SCLY: variants seen among roughly 807,000 people sequenced by gnomAD.
SCLY encodes selenocysteine lyase.
Under a neutral mutation model 50.1 loss-of-function variants are expected in SCLY, and 38 were observed. That is an observed-to-expected ratio of 0.76 (90% CI 0.59 to 0.99). The LOEUF is 0.99. SCLY is among the 50% of genes least tolerant of loss of function. The probability of loss-of-function intolerance (pLI) is 0.00; values close to 1 mark genes in which losing one functional copy is unlikely to be tolerated. For synonymous variants in SCLY, 243 were observed against 249.4 expected (o/e 0.97, Z 0.24); for missense variants, 600 against 620.0 (o/e 0.97, Z 0.34).
At chr2:238,068,339 A>G (rs2065094840) in intron 3 of SCLY, 174 bp downstream of exon 3, 6 of 492,254 alleles carry the variant, frequency 1.2e-5, no homozygotes, top group East Asian at 3.6e-5. Context: ...GGTTGAGCCC[A>G]GGAGTTTGCG....
chr2:238,061,344 G>A (rs1243304102), intron 1 of SCLY: 1 of 702,470 alleles, frequency 1.4e-6, no homozygotes, highest in Admixed American at 2.0e-5. Context: ...AAGGGCCCAC[G>A]GAGAGGTGAC....
intron 2 of SCLY, chr2:238,064,730 T>G (rs2106435208): frequency 3.9e-6 from 1 of 257,992 alleles, no homozygotes; most frequent in East Asian, 9.3e-5. Context: ...GAGAAAGGTG[T>G]CTACTGAGAG....
intron 7 of SCLY, among the ~76,000 whole-genome samples, chr2:238,087,524 A>G (rs769087783): frequency 6.6e-6 from 1 of 152,204 alleles, no homozygotes; most frequent in South Asian, 2.1e-4. Context: ...AAACTCCCCA[A>G]AGAGAAGTCT....
At chr2:238,079,419 A>G (rs2065211796) in intron 4 of SCLY, 2 of 152,134 alleles carry the variant, frequency 1.3e-5, no homozygotes, top group South Asian at 4.1e-4. Context: ...GTATATGTTT[A>G]TAGATTTTGC....
At chr2:238,092,443 A>C (rs2065373927) in intron 8 of SCLY, 1 of 152,264 alleles carries the variant, frequency 6.6e-6, no homozygotes, top group African/African-American at 2.4e-5. Flanking sequence ...GTGATGAAGT[A>C]GTGGTGCCGT....
In SCLY at chr2:238,068,080, A is replaced by G. The variant is rs138801169; in HGVS notation, c.218A>G (p.Asp73Gly). The change falls in exon 3 of 12, where the codon GAT becomes GGT. Residue 73 changes from aspartate (D) to glycine (G), a missense_variant. Asp to Gly is a moderately conservative substitution (Grantham distance 94). Coordinates refer to ENST00000254663, the MANE Select transcript of SCLY (RefSeq NM_016510.7). ...GTCCCTCAAGGAAGAAAGGCCAAGG[A>G]TATTATAAATGCAGCTCGGGAAAGC... ...SPYSAGRKAK[D>G]IINAARESLA... 2.7e-5 allele frequency: 43 copies of G among 1,612,326 alleles called. No homozygotes were observed. In the African/African-American group the frequency reaches 5.5e-4, roughly 21 times the overall value.
Position 238,061,004 on chromosome 2 carries a change from C to G in SCLY, c.-51C>G, listed in dbSNP as rs1040948345. On this transcript the variant is annotated 5_prime_UTR_variant, in exon 1 of 12. Coordinates refer to ENST00000254663, the MANE Select transcript of SCLY (RefSeq NM_016510.7). The stretch of plus-strand genomic sequence containing the variant: ...CGCCTCCTCCCCGGCGCTCTGGGCC[C>G]GTAGCGCTCCGCGGGAAGGAGGCTG... 20 of 1,305,198 alleles carry G rather than the reference C, an allele frequency of 1.5e-5. No homozygotes were observed. The highest frequency in any genetic ancestry group is 1.9e-5 in the Non-Finnish European group (19 of 1,015,662). 80.9% of individuals were successfully genotyped at this position (1,305,198 alleles called of 1,614,324 possible).
In SCLY at chr2:238,063,007, A is replaced by G. The variant is rs566002782; in HGVS notation, c.90-1350A>G. Among the ~76,000 whole-genome samples, 29 of 152,322 alleles carry G rather than the reference A, an allele frequency of 1.9e-4. No individual in the cohort carries two copies. The South Asian group carries it at 6.0e-3, about 32-fold the overall frequency. ...TCTGTGGCATTTATTTTGTCATCTT[A>G]TAAAAATCAGGCCCCTGTTGTGTGG... On this transcript the variant is annotated intron_variant, in intron 1 of 11. Transcript: ENST00000254663.
intron 7 of SCLY, among the ~76,000 whole-genome samples, chr2:238,086,056 C>G (rs1356582031): frequency 6.6e-6 from 1 of 152,228 alleles, no homozygotes; most frequent in Admixed American, 6.5e-5. Context: ...ATTTGGATGA[C>G]TGAATTTCTC....
At chr2:238,091,521 A>AACCACC in intron 8 of SCLY, 3 of 437,202 alleles carry the variant, frequency 6.9e-6, no homozygotes, top group East Asian at 4.1e-5. Flanking sequence ...CTGTTACAGC[A>AACCACC]GAGGTGAAGT....
chr2:238,091,561 G>GCTT, intron 8 of SCLY: 1 of 302,722 alleles, frequency 3.3e-6, no homozygotes, highest in Non-Finnish European at 6.3e-6. Flanking sequence ...ATTCCCAAAG[G>GCTT]CGTCGGCAGC....
chr2:238,069,363 A>C lies in SCLY; in HGVS notation c.370A>C (p.Thr124Pro), dbSNP rs2065105306. ...FHANQTSKGH[T>P]GGHHSPVKGA... ...CGCAAACCAGACCTCAAAGGGACAC[A>C]CAGGTGGGCACCACAGCCCAGTGAA... Residue 124 changes from threonine to proline, a missense_variant, in exon 4 of 12, where the codon ACA (threonine) becomes CCA (proline). Thr to Pro is a conservative substitution (Grantham distance 38). Transcript: ENST00000254663. The surrounding 1 kb of genome is among the most constrained non-coding windows in gnomAD (Gnocchi z 5.0). 3.7e-6 allele frequency: 6 copies of C among 1,614,176 alleles called. No homozygotes were observed. The highest frequency in any genetic ancestry group is 5.1e-6 in the Non-Finnish European group (6 of 1,180,004).
Position 238,069,776 on chromosome 2 carries a change from A to G in SCLY, c.484+299A>G. 3.3e-6 allele frequency: 1 copy of G among 306,740 alleles called. No individual in the cohort carries two copies. The highest frequency in any genetic ancestry group is 6.0e-6 in the Non-Finnish European group (1 of 167,886). 19.0% of individuals were successfully genotyped at this position (306,740 alleles called of 1,614,324 possible). A position where few individuals can be genotyped will look rare whatever the true frequency, so the allele number is the denominator to read the frequency against. On this transcript the variant is annotated intron_variant, in intron 4 of 11. Coordinates refer to ENST00000254663, the MANE Select transcript of SCLY (RefSeq NM_016510.7). This position sits in a 1 kb window ranked among gnomAD's most constrained non-coding sequence, Gnocchi z 5.0. The stretch of plus-strand genomic sequence containing the variant: ...TCATTGAGAATGAATATGTAGAACT[A>G]GCCATTTGTATAACTGAGTGATATT...
intron 4 of SCLY, among the ~76,000 whole-genome samples, chr2:238,071,466 G>A (rs1305310200): frequency 1.3e-5 from 2 of 151,808 alleles, no homozygotes; most frequent in East Asian, 1.9e-4. Flanking sequence ...AAATTTAGCC[G>A]GGCGTGGTGG....
intron 1 of SCLY, 114 bp downstream of exon 1, chr2:238,061,257 C>T: frequency 1.2e-6 from 1 of 825,038 alleles, no homozygotes; most frequent in Non-Finnish European, 2.1e-6. Context: ...GGGCGTCCCG[C>T]GCGGGGATGT....
intron 4 of SCLY, among the ~76,000 whole-genome samples, chr2:238,072,554 G>A (rs1042660409): frequency 3.3e-5 from 5 of 152,092 alleles, no homozygotes; most frequent in Non-Finnish European, 7.4e-5. Context: ...TTTGTTATCT[G>A]TCTTTTTGAT....
rs79333955 is a variant in SCLY at position 238,081,979 on chromosome 2, T to C, written c.613-66T>C. 7,534 of 1,584,918 alleles carry C rather than the reference T, an allele frequency of 4.8e-3. 306 individuals carry two copies. In the African/African-American group the frequency reaches 0.09, roughly 19 times the overall value. On this transcript the variant is annotated intron_variant, in intron 5 of 11. Coordinates refer to ENST00000254663, the MANE Select transcript of SCLY (RefSeq NM_016510.7). The stretch of plus-strand genomic sequence containing the variant: ...ACATTTGGCCTGCGCTCACTACTCC[T>C]GATTTCTGTCATTCAGTTTTCATCA...
Position 238,094,529 on chromosome 2 carries a change from G to C in SCLY, c.1108+7G>C. 18 of 1,610,416 alleles carry C rather than the reference G, an allele frequency of 1.1e-5. No individual in the cohort carries two copies. The highest frequency in any genetic ancestry group is 1.4e-5 in the Non-Finnish European group (16 of 1,176,734). ...CGGGGACCCCGGCTTCAAGGTGATG[G>C]CCCCTCACCCTGGTCTTTCCGAGTG... On this transcript the variant is annotated splice_region_variant and intron_variant, in intron 10 of 11. Transcript: ENST00000254663.
At chr2:238,071,634 T>G (rs997009720) in intron 4 of SCLY, among the ~76,000 whole-genome samples, 1 of 151,996 alleles carries the variant, frequency 6.6e-6, no homozygotes, top group African/African-American at 2.4e-5. Flanking sequence ...CAAAAGTCAT[T>G]CTCCTGCTGC....
Sources: allele counts gnomAD v4.1 joint callset (sites outside exome capture counted in the v4.1 genomes callset), GRCh38; gene constraint gnomAD v4.1.1; non-coding constraint Gnocchi (gnomAD v3.1); transcripts MANE v1.5; gene names NCBI Gene and HGNC (gene_info 2026-07-23, HGNC 2026-07-21).